Variants in FMO3 observed in about 807,000 individuals in gnomAD.
FMO3 encodes the protein flavin-containing monooxygenase 3.
In FMO3, 40 loss-of-function variants were observed where a neutral mutation model predicts 39.4. The ratio of observed to expected loss-of-function variants is 1.02; its 90% CI spans 0.79 to 1.32. The LOEUF (loss-of-function observed/expected upper bound fraction) is 1.32. FMO3 is among the 40% of genes most tolerant of loss of function. FMO3 has a pLI of 0.00. For missense variants in FMO3, 680 were observed against 651.8 expected (o/e 1.04, Z -0.47); for synonymous variants, 219 against 228.8 (o/e 0.96, Z 0.39).
At position 171,117,112 on chromosome 1, in the gene FMO3, C is replaced by T. The variant is rs372550552; in HGVS notation, c.1269C>T (p.Ser423=). 97 of 1,613,892 alleles carry T rather than the reference C, an allele frequency of 6.0e-5. No homozygotes were observed. Among genetic ancestry groups the T allele is most frequent in the South Asian group, 3.1e-4 (28 of 91,076 alleles). The change falls in exon 9 of 9, where the codon AGC becomes AGT. Residue 423 remains serine (S), a synonymous_variant. Transcript: ENST00000367755. ...MEKKRKWFGK[S]ETIQTDYIVY... ...CTCCCATCTCCAGGTTTGGCAAAAGCGAGACCATACAGACAGATTACATTG... is the reference window on the plus strand; with the variant it reads ...CTCCCATCTCCAGGTTTGGCAAAAGTGAGACCATACAGACAGATTACATTG...
Position 171,108,149 on chromosome 1 carries a change from G to T in FMO3, c.555G>T (p.Lys185Asn). ...AAGAACCAGGTGTATTCAATGGAAAGCGTGTCCTGGTGGTTGGCCTGGGGA... is the reference window on the plus strand; with the variant it reads ...AAGAACCAGGTGTATTCAATGGAAATCGTGTCCTGGTGGTTGGCCTGGGGA... ...DYKEPGVFNG[K>N]RVLVVGLGNS... Residue 185 changes from lysine (K) to asparagine (N), a missense_variant, in exon 5 of 9, where the codon AAG (lysine) becomes AAT (asparagine). Transcript: ENST00000367755. 1.2e-6 allele frequency: 2 copies of T among 1,613,938 alleles called. No individual in the cohort carries two copies.
At position 171,110,863 on chromosome 1, in the gene FMO3, G is replaced by A. The variant is rs1655875436; in HGVS notation, c.693G>A (p.Trp231Ter). 6.2e-7 allele frequency: 1 copy of A among 1,613,992 alleles called. No homozygotes were observed. The highest frequency in any genetic ancestry group is 2.2e-5 in the East Asian group (1 of 44,866). ...MSRVWDNGYPWDMLLVTRFGT... is the reference protein window; with the variant it reads ...MSRVWDNGYP ...GGGTCTGGGACAATGGTTATCCTTG[G>A]GACATGCTGCTCGTCACTCGATTTG... is the stretch of plus-strand genomic sequence containing the variant. The change falls in exon 6 of 9, where the codon TGG becomes TGA. Residue 231 changes from tryptophan (W) to a stop codon, truncating the protein, a stop_gained. Transcript: ENST00000367755. LOFTEE classifies it high-confidence loss of function.
chr1:171,091,892 CGTGT>C (rs10594148), intron 1 of FMO3, among the ~76,000 whole-genome samples: 11 of 147,470 alleles, frequency 7.5e-5, no homozygotes, highest in South Asian at 2.1e-4. Context: ...ATACAGATTG[CGTGT>C]GTGTGTGTGT....
chr1:171,093,210 G>A (rs1305569755), intron 2 of FMO3, among the ~76,000 whole-genome samples: 1 of 151,050 alleles, frequency 6.6e-6, no homozygotes, highest in Non-Finnish European at 1.5e-5. Context: ...GGGCTTTTGT[G>A]TAGCCATGAC....
chr1:171,093,489 T>C (rs562709632), intron 2 of FMO3, among the ~76,000 whole-genome samples: 8 of 139,532 alleles, frequency 5.7e-5, no homozygotes, highest in African/African-American at 1.7e-4. Flanking sequence ...TAGTATTCCA[T>C]GGTGTGTGCA....
At chr1:171,091,195 C>T (rs1158717443) in intron 1 of FMO3, among the ~76,000 whole-genome samples, 1 of 150,444 alleles carries the variant, frequency 6.6e-6, no homozygotes, top group African/African-American at 2.5e-5. Flanking sequence ...CATTGTACTC[C>T]AACCTGGATA....
intron 2 of FMO3, among the ~76,000 whole-genome samples, chr1:171,093,985 C>A (rs1442480207): frequency 6.6e-6 from 1 of 151,760 alleles, no homozygotes; most frequent in Non-Finnish European, 1.5e-5. Flanking sequence ...CAGGTGCCCA[C>A]ACCCAGCTAA....
chr1:171,100,574 A>G (rs1344818736), intron 2 of FMO3: 2 of 152,788 alleles, frequency 1.3e-5, no homozygotes, highest in Non-Finnish European at 2.9e-5. Flanking sequence ...ATCCTGGTCC[A>G]TATCCAGAGT....
chr1:171,099,818 CTT>C (rs1655290538), intron 2 of FMO3: 1 of 121,262 alleles, frequency 8.2e-6, no homozygotes. Context: ...GAGTTTCTCT[CTT>C]GTTGCCCAGG....
Position 171,113,968 on chromosome 1 carries a change from A to C in FMO3, c.828-39A>C, listed in dbSNP as rs142177251. ...TATGGACCAATAAAACAAGAGGGAA[A>C]TATTACACTTCCAATAATTGTCTCT... On this transcript the variant is annotated intron_variant, in intron 6 of 8. Transcript: ENST00000367755. The C allele has an allele frequency of 1.2e-4, 165 of 1,373,010 alleles. No individual in the cohort carries two copies. The East Asian group carries it at 3.8e-3, about 31-fold the overall frequency. 85.1% of individuals were successfully genotyped at this position (1,373,010 alleles called of 1,614,324 possible).
chr1:171,103,678 C>G, intron 2 of FMO3, 107 bp from the exon 3 acceptor site: 1 of 933,418 alleles, frequency 1.1e-6, no homozygotes, highest in Non-Finnish European at 1.8e-6. Context: ...GGTCCTGGAA[C>G]CTTCCATAGA....
intron 1 of FMO3, among the ~76,000 whole-genome samples, chr1:171,092,372 A>G (rs904059371): frequency 2.6e-5 from 4 of 152,140 alleles, no homozygotes; most frequent in African/African-American, 9.6e-5. Context: ...GGCATGTGCC[A>G]CCACACCCAG....
intron 2 of FMO3, among the ~76,000 whole-genome samples, chr1:171,101,503 G>A (rs949002008): frequency 1.2e-4 from 18 of 152,110 alleles, no homozygotes; most frequent in Non-Finnish European, 2.5e-4. Flanking sequence ...TTTTGTATTT[G>A]CCTTCCCTTT....
At chr1:171,106,130 G>A (rs1655624941) in intron 3 of FMO3, among the ~76,000 whole-genome samples, 1 of 151,790 alleles carries the variant, frequency 6.6e-6, no homozygotes, top group African/African-American at 2.4e-5. Context: ...TTTTTAATGT[G>A]ACTATTAGAA....
chr1:171,099,873 C>T (rs1169175997), intron 2 of FMO3: 2 of 151,588 alleles, frequency 1.3e-5, no homozygotes, highest in Non-Finnish European at 2.9e-5. Context: ...CAACCTCCAC[C>T]TCCTGGGATC....
In FMO3 at chr1:171,096,822, G is replaced by A. The variant is rs200422231; in HGVS notation, c.132+4032G>A. The stretch of plus-strand genomic sequence containing the variant: ...TTTGTAATTATACTTTAAGTTCTAG[G>A]GTACATGTGCACAATGTGCAGGTTT... On this transcript the variant is annotated intron_variant, in intron 2 of 8. Transcript: ENST00000367755. Among the ~76,000 whole-genome samples the A allele has an allele frequency of 6.4e-4, 87 of 136,456 alleles. No individual in the cohort carries two copies. The East Asian group carries it at 0.021, about 33-fold the overall frequency. The allele number at this position is 136,456 out of a possible 152,430, so 89.5% of individuals were successfully genotyped here.
At position 171,117,257 on chromosome 1, in the gene FMO3, AG is replaced by A; in HGVS notation, c.1416del (p.Arg472SerfsTer16). Reference sequence around the variant, plus strand: ...TGGCCCTTGTAGTCCCTACCAGTTTAGGCTGGTGGGCCCAGGGCAGTGGCCA... The same window carrying A: ...TGGCCCTTGTAGTCCCTACCAGTTTAGCTGGTGGGCCCAGGGCAGTGGCCA... ...YFGPCSPYQFRLVGPGQWPGA... is the reference protein window; with the variant it reads ...YFGPCSPYQFXLVGPGQWPGA... On this transcript the variant is annotated frameshift_variant, in exon 9 of 9. Transcript: ENST00000367755. LOFTEE classifies it low-confidence loss of function (END_TRUNC). The A allele has an allele frequency of 1.2e-6, 2 of 1,614,166 alleles. No homozygotes were observed. Among genetic ancestry groups the A allele is most frequent in the Non-Finnish European group, 1.7e-6 (2 of 1,180,026 alleles).
At chr1:171,104,853 G>A (rs1655569713) in intron 3 of FMO3, among the ~76,000 whole-genome samples, 3 of 152,090 alleles carry the variant, frequency 2.0e-5, no homozygotes, top group Non-Finnish European at 2.9e-5. Context: ...CAGCCTGGGC[G>A]ACAGAGTGAG....
chr1:171,093,879 G>A (rs1654833776), intron 2 of FMO3, among the ~76,000 whole-genome samples: 1 of 126,930 alleles, frequency 7.9e-6, no homozygotes, highest in African/African-American at 3.1e-5. Context: ...CTGTCTCCCA[G>A]GCTGGAGGGC....
Sources: allele counts gnomAD v4.1 joint callset (sites outside exome capture counted in the v4.1 genomes callset), GRCh38; gene constraint gnomAD v4.1.1; transcripts MANE v1.5; gene names NCBI Gene and HGNC (gene_info 2026-07-23, HGNC 2026-07-21).